The following CBLN2 variants were observed in gnomAD, a reference collection of about 807,000 sequenced individuals.
CBLN2 encodes the protein cerebellin-2.
In CBLN2, 7 loss-of-function variants were observed where a neutral mutation model predicts 15.0. The ratio of observed to expected loss-of-function variants is 0.47; its 90% CI spans 0.27 to 0.88. The LOEUF (loss-of-function observed/expected upper bound fraction) is 0.88. Ranked by LOEUF, CBLN2 falls within the 40% of genes least tolerant of loss-of-function variation. The pLI, the probability that CBLN2 is intolerant of heterozygous loss-of-function variation, is 0.14. For missense variants in CBLN2, 242 were observed against 304.5 expected (o/e 0.79, Z 1.53); for synonymous variants, 149 against 135.2 (o/e 1.10, Z -0.71).
chr18:72,613,399 A>T (rs1473969822), intron 1 of CBLN2, among the ~76,000 whole-genome samples: 1 of 152,170 alleles, frequency 6.6e-6, no homozygotes, highest in East Asian at 1.9e-4. Flanking sequence ...CTGTCTCAAG[A>T]GTGCCTTTCC....
intron 1 of CBLN2, among the ~76,000 whole-genome samples, chr18:72,581,979 C>T (rs963768530): frequency 3.3e-5 from 5 of 152,134 alleles, no homozygotes; most frequent in African/African-American, 4.8e-5. Flanking sequence ...AGGAGCTTCT[C>T]GTCTTCACAC....
intron 2 of CBLN2, among the ~76,000 whole-genome samples, chr18:72,542,543 CG>C (rs2069124550): frequency 6.6e-6 from 1 of 152,102 alleles, no homozygotes; most frequent in Non-Finnish European, 1.5e-5. Flanking sequence ...GAGCAGCGCG[CG>C]GGGCTGCGAC....
At chr18:72,625,818 C>CTCTA (rs1469005975) in intron 1 of CBLN2, among the ~76,000 whole-genome samples, 94 of 57,382 alleles carry the variant, frequency 1.6e-3, no homozygotes, top group Non-Finnish European at 1.7e-3. Flanking sequence ...CTCTCTCTCT[C>CTCTA]TATATATATA....
intron 1 of CBLN2, among the ~76,000 whole-genome samples, chr18:72,619,529 T>C (rs984431267): frequency 1.1e-3 from 167 of 152,218 alleles, no homozygotes; most frequent in African/African-American, 3.8e-3. Context: ...TGTAATAATC[T>C]GATCACGATG....
At chr18:72,585,653 G>A (rs1383483669) in intron 1 of CBLN2, among the ~76,000 whole-genome samples, 2 of 152,172 alleles carry the variant, frequency 1.3e-5, no homozygotes, top group South Asian at 4.1e-4. Context: ...GCCATCCCTG[G>A]CTTGAAAGTG....
intron 1 of CBLN2, among the ~76,000 whole-genome samples, chr18:72,594,077 A>G (rs994359407): frequency 6.6e-6 from 1 of 152,208 alleles, no homozygotes; most frequent in African/African-American, 2.4e-5. Flanking sequence ...GTGGGAGCTG[A>G]ACAATGAGAA....
At chr18:72,553,458 TGATAGATAGATA>T (rs5826203) in intron 1 of CBLN2, among the ~76,000 whole-genome samples, 22,641 of 148,832 alleles carry the variant, frequency 0.15, 1,948 homozygotes, top group Admixed American at 0.28. Context: ...TAACAATTTG[TGATAGATAGATA>T]GATAGATAGA....
At chr18:72,610,276 G>A (rs1348225730) in intron 1 of CBLN2, among the ~76,000 whole-genome samples, 2 of 152,100 alleles carry the variant, frequency 1.3e-5, no homozygotes, top group Non-Finnish European at 2.9e-5. Flanking sequence ...TCCATTCTGA[G>A]CATGTGTGCA....
At position 72,610,501 on chromosome 18, in the gene CBLN2, T is replaced by C. The variant is rs143134744; in HGVS notation, c.15+27824A>G. ...ACTACACCAAATATCTATATATCTATCATTGTGCATTTACCTCCATTGGAA... is the reference window on the plus strand; with the variant it reads ...ACTACACCAAATATCTATATATCTACCATTGTGCATTTACCTCCATTGGAA... On this transcript the variant is annotated intron_variant, in intron 1 of 2. Coordinates refer to the CBLN2 transcript ENST00000581073. 1.2e-3 allele frequency among the ~76,000 whole-genome samples: 187 copies of C among 152,316 alleles called. 1 individual carries two copies. The highest frequency in any genetic ancestry group is 4.3e-3 in the African/African-American group (180 of 41,556).
chr18:72,570,412 A>ATTTT (rs200559874), intron 1 of CBLN2, among the ~76,000 whole-genome samples: 2 of 128,376 alleles, frequency 1.6e-5, no homozygotes, highest in Non-Finnish European at 1.6e-5. Context: ...TAATTTTTGT[A>ATTTT]TTTTTTTTTT....
At chr18:72,558,499 C>T (rs963930547) in intron 1 of CBLN2, among the ~76,000 whole-genome samples, 1 of 152,128 alleles carries the variant, frequency 6.6e-6, no homozygotes, top group Admixed American at 6.5e-5. Context: ...ATCCTTGAAC[C>T]TGAGGGTTAT....
At chr18:72,565,488 T>C (rs1459512172) in intron 1 of CBLN2, among the ~76,000 whole-genome samples, 3 of 152,110 alleles carry the variant, frequency 2.0e-5, no homozygotes, top group Non-Finnish European at 4.4e-5. Flanking sequence ...TAAAAAGATG[T>C]AAATAAATGA....
chr18:72,542,181 G>A lies in CBLN2; in HGVS notation c.-21C>T. 1 of 1,210,524 alleles carries A rather than the reference G, an allele frequency of 8.3e-7. No homozygotes were observed. Among genetic ancestry groups the A allele is most frequent in the South Asian group, 4.1e-5 (1 of 24,284 alleles). 75.0% of individuals were successfully genotyped at this position (1,210,524 alleles called of 1,614,324 possible). ...TGCATCGGGACTGGTGGGAGGCGGC[G>A]CGCGGGGGTGGAGGCCGGCGCCGGC... On this transcript the variant is annotated 5_prime_UTR_variant, in exon 3 of 5. Coordinates refer to ENST00000269503, the MANE Select transcript of CBLN2 (RefSeq NM_182511.4).
chr18:72,632,343 G>GA (rs941195293), intron 1 of CBLN2, among the ~76,000 whole-genome samples: 1 of 152,012 alleles, frequency 6.6e-6, no homozygotes, highest in African/African-American at 2.4e-5. Flanking sequence ...ACTGCCCCAG[G>GA]AAAAATTTAG....
chr18:72,600,175 A>G (rs1347273853), intron 1 of CBLN2, among the ~76,000 whole-genome samples: 1 of 152,238 alleles, frequency 6.6e-6, no homozygotes, highest in South Asian at 2.1e-4. Context: ...TATTGCTACA[A>G]TAGATCAATC....
At chr18:72,625,091 A>G (rs186025054) in intron 1 of CBLN2, 2 of 152,244 alleles carry the variant, frequency 1.3e-5, no homozygotes, top group Admixed American at 6.5e-5. Context: ...ATAGGTTTTT[A>G]CCACCCTTTG....
chr18:72,592,197 C>A (rs532184837), intron 1 of CBLN2, among the ~76,000 whole-genome samples: 62 of 152,196 alleles, frequency 4.1e-4, no homozygotes, highest in South Asian at 2.1e-3. Context: ...GCCATTTTAA[C>A]TGGGGAGAGA....
intron 1 of CBLN2, among the ~76,000 whole-genome samples, chr18:72,562,473 A>G: frequency 6.6e-6 from 1 of 152,142 alleles, no homozygotes; most frequent in East Asian, 1.9e-4. Flanking sequence ...GGTCCAAATG[A>G]CCCATTTAAG....
At chr18:72,573,375 G>T (rs1156444200) in intron 1 of CBLN2, among the ~76,000 whole-genome samples, 2 of 152,186 alleles carry the variant, frequency 1.3e-5, no homozygotes, top group Non-Finnish European at 2.9e-5. Flanking sequence ...AACAGTAGGA[G>T]TGTCACACAG....
Sources: gnomAD v4.1 joint callset for allele counts (sites outside exome capture counted in the v4.1 genomes callset) on GRCh38, gnomAD v4.1.1 for gene constraint, MANE v1.5 for transcripts, NCBI Gene and HGNC (gene_info 2026-07-23, HGNC 2026-07-21) for gene names.